Variants in NXPH1 observed in about 807,000 individuals in gnomAD.
NXPH1 encodes neurexophilin-1.
A neutral mutation model predicts 23.7 loss-of-function variants in NXPH1; 5 were observed. That is an observed-to-expected ratio of 0.21 (90% CI 0.11 to 0.44). The LOEUF (loss-of-function observed/expected upper bound fraction) is 0.44. Ranked by LOEUF, NXPH1 falls within the 20% of genes least tolerant of loss-of-function variation. NXPH1 has a pLI of 0.99. For synonymous variants in NXPH1, 144 were observed against 122.2 expected (o/e 1.18, Z -1.18); for missense variants, 324 against 321.6 (o/e 1.01, Z -0.06).
intron 2 of NXPH1, among the ~76,000 whole-genome samples, chr7:8,728,151 G>T (rs1312395473): frequency 6.6e-6 from 1 of 151,700 alleles, no homozygotes; most frequent in African/African-American, 2.4e-5. Flanking sequence ...TCTGTTGTTG[G>T]TGTATAAGAA....
At chr7:8,480,637 T>G (rs2128609769) in intron 2 of NXPH1, among the ~76,000 whole-genome samples, 1 of 152,264 alleles carries the variant, frequency 6.6e-6, no homozygotes, top group South Asian at 2.1e-4. Context: ...GCCTTAACAC[T>G]CCCTGAATAG....
At chr7:8,522,764 G>A (rs1817793624) in intron 2 of NXPH1, among the ~76,000 whole-genome samples, 1 of 152,152 alleles carries the variant, frequency 6.6e-6, no homozygotes, top group Admixed American at 6.5e-5. Flanking sequence ...ATTCATTCCT[G>A]CTTCCCACCT....
At chr7:8,591,638 G>C (rs1211958293) in intron 2 of NXPH1, among the ~76,000 whole-genome samples, 1 of 151,880 alleles carries the variant, frequency 6.6e-6, no homozygotes, top group Non-Finnish European at 1.5e-5. Flanking sequence ...CTTTGTATTG[G>C]AATTTTATGT....
intron 2 of NXPH1, among the ~76,000 whole-genome samples, chr7:8,665,190 T>C (rs964557324): frequency 2.0e-5 from 3 of 152,092 alleles, no homozygotes; most frequent in African/African-American, 7.2e-5. Context: ...TTTAAGTTGA[T>C]TTTTGTAAAT....
chr7:8,640,824 C>T (rs1053158001), intron 2 of NXPH1, among the ~76,000 whole-genome samples: 3 of 151,926 alleles, frequency 2.0e-5, no homozygotes, highest in South Asian at 2.1e-4. Flanking sequence ...AGGGTGGTGG[C>T]GAGCCTGTAA....
At chr7:8,595,896 A>G (rs1232941837) in intron 2 of NXPH1, among the ~76,000 whole-genome samples, 1 of 151,972 alleles carries the variant, frequency 6.6e-6, no homozygotes, top group Admixed American at 6.6e-5. Context: ...CTCTACTCTT[A>G]AAAGGTTATT....
At chr7:8,493,496 T>C (rs1174603534) in intron 2 of NXPH1, among the ~76,000 whole-genome samples, 1 of 152,046 alleles carries the variant, frequency 6.6e-6, no homozygotes, top group East Asian at 1.9e-4. Flanking sequence ...AAAGAACATT[T>C]TGTCCTGCTA....
chr7:8,557,639 C>G (rs907241848), intron 2 of NXPH1, among the ~76,000 whole-genome samples: 6 of 151,618 alleles, frequency 4.0e-5, no homozygotes, highest in African/African-American at 1.5e-4. Flanking sequence ...ATTGTTATTT[C>G]CTTTAATGGT....
intron 2 of NXPH1, among the ~76,000 whole-genome samples, chr7:8,503,906 A>G (rs1296726417): frequency 6.6e-6 from 1 of 151,940 alleles, no homozygotes; most frequent in African/African-American, 2.4e-5. Context: ...GCTCTATTAA[A>G]GACTATTCCC....
chr7:8,743,632 C>T (rs1001229188), intron 2 of NXPH1, among the ~76,000 whole-genome samples: 2 of 151,590 alleles, frequency 1.3e-5, no homozygotes, highest in African/African-American at 4.8e-5. Context: ...AATTATGCTC[C>T]TAAGACATGT....
chr7:8,603,242 C>T (rs539826469), intron 2 of NXPH1, among the ~76,000 whole-genome samples: 1 of 152,212 alleles, frequency 6.6e-6, no homozygotes, highest in South Asian at 2.1e-4. Flanking sequence ...TTTGTTGGAA[C>T]ATTTTTGAAG....
At chr7:8,689,300 A>T (rs117725522) in intron 2 of NXPH1, among the ~76,000 whole-genome samples, 1,349 of 130,822 alleles carry the variant, frequency 0.01, 13 homozygotes, top group Non-Finnish European at 0.017. Flanking sequence ...TACATGCTAC[A>T]TTCTATGCAG....
chr7:8,624,853 G>C (rs1268026415), intron 2 of NXPH1, among the ~76,000 whole-genome samples: 3 of 152,064 alleles, frequency 2.0e-5, no homozygotes, highest in African/African-American at 7.2e-5. Flanking sequence ...GTAGTAGAGG[G>C]CTCCTCAGTG....
chr7:8,606,958 G>C (rs147405480), intron 2 of NXPH1, among the ~76,000 whole-genome samples: 1 of 152,048 alleles, frequency 6.6e-6, no homozygotes, highest in African/African-American at 2.4e-5. Context: ...TTGATTGCTT[G>C]ATTTCTGATG....
At chr7:8,478,204 A>C (rs561761704) in intron 2 of NXPH1, among the ~76,000 whole-genome samples, 1 of 152,266 alleles carries the variant, frequency 6.6e-6, no homozygotes, top group African/African-American at 2.4e-5. Flanking sequence ...AACATGGTGT[A>C]GGTTTCTTAA....
intron 2 of NXPH1, among the ~76,000 whole-genome samples, chr7:8,605,615 T>C (rs1819469273): frequency 6.6e-6 from 1 of 152,124 alleles, no homozygotes; most frequent in Non-Finnish European, 1.5e-5. Context: ...TGTGTGTCAT[T>C]ATCATGCATA....
intron 2 of NXPH1, among the ~76,000 whole-genome samples, chr7:8,490,453 T>A (rs971514530): frequency 6.6e-6 from 1 of 152,044 alleles, no homozygotes; most frequent in East Asian, 1.9e-4. Flanking sequence ...ATTAGCTGAT[T>A]ACAACTTTGT....
In NXPH1 at chr7:8,553,815, A is replaced by C. The variant is rs548881002; in HGVS notation, c.54+118048A>C. On this transcript the variant is annotated intron_variant, in intron 2 of 2. Transcript: ENST00000405863. The stretch of plus-strand genomic sequence containing the variant: ...TAGTCATTTGTTCTGTTGGATAAAA[A>C]TAAAACAAACTACAGGTTTCCCCAA... Among the ~76,000 whole-genome samples, 16 of 151,784 alleles carry C rather than the reference A, an allele frequency of 1.1e-4. No homozygotes were observed. In the South Asian group the frequency reaches 3.3e-3, roughly 31 times the overall value.
intron 2 of NXPH1, among the ~76,000 whole-genome samples, chr7:8,618,064 T>A (rs550199962): frequency 6.6e-6 from 1 of 152,258 alleles, no homozygotes; most frequent in South Asian, 2.1e-4. Flanking sequence ...ATTTGGGGCA[T>A]GGGTAACTAA....
Sources: gnomAD v4.1 joint callset for allele counts (sites outside exome capture counted in the v4.1 genomes callset) on GRCh38, gnomAD v4.1.1 for gene constraint, MANE v1.5 for transcripts, NCBI Gene and HGNC (gene_info 2026-07-23, HGNC 2026-07-21) for gene names.